COG5: variants seen among roughly 807,000 people sequenced by gnomAD.
COG5 encodes conserved oligomeric Golgi complex subunit 5.
COG5 carries 86 observed loss-of-function variants against 110.4 expected under a neutral mutation model. The observed-to-expected ratio is 0.78, with a 90% CI of 0.65 to 0.93. The LOEUF (loss-of-function observed/expected upper bound fraction) is 0.93. Among genes scored for constraint, COG5 ranks in the 40% least tolerant of loss-of-function variants. The probability of loss-of-function intolerance (pLI) is 0.00; values close to 1 mark genes in which losing one functional copy is unlikely to be tolerated. For missense variants in COG5, 1,077 were observed against 987.0 expected (o/e 1.09, Z -1.22); for synonymous variants, 360 against 334.6 (o/e 1.08, Z -0.83).
intron 7 of COG5, among the ~76,000 whole-genome samples, chr7:107,393,298 T>C (rs531824540): frequency 3.3e-5 from 5 of 152,264 alleles, no homozygotes; most frequent in African/African-American, 1.2e-4. Context: ...ACTCCCTCTT[T>C]ACAAAACCAC....
chr7:107,436,173 G>A (rs1584820723), intron 6 of COG5, among the ~76,000 whole-genome samples: 2 of 152,092 alleles, frequency 1.3e-5, no homozygotes, highest in Admixed American at 6.5e-5. Context: ...AGACAGGTTG[G>A]TTATTCACAG....
At chr7:107,230,813 A>C in intron 18 of COG5, 122 bp from the exon 19 acceptor site, 1 of 759,526 alleles carries the variant, frequency 1.3e-6, no homozygotes, top group Non-Finnish European at 2.3e-6. Context: ...ACTGTAAGGC[A>C]AGTTGTGATG....
chr7:107,523,820 A>G (rs1028987702), intron 6 of COG5, among the ~76,000 whole-genome samples: 2 of 151,924 alleles, frequency 1.3e-5, no homozygotes, highest in African/African-American at 2.4e-5. Context: ...TGTCTCAAAA[A>G]GAAAAAAAAA....
intron 7 of COG5, 131 bp downstream of exon 7, chr7:107,412,371 T>C (rs995216098): frequency 1.6e-5 from 13 of 807,196 alleles, no homozygotes; most frequent in African/African-American, 3.4e-5. Flanking sequence ...ATTCTTTGAT[T>C]TAAATTGTAG....
chr7:107,384,631 G>A (rs145183650), intron 7 of COG5, among the ~76,000 whole-genome samples: 4 of 152,156 alleles, frequency 2.6e-5, no homozygotes, highest in African/African-American at 9.7e-5. Flanking sequence ...CTAAGGAAAA[G>A]TCCTGCAACA....
At chr7:107,524,929 T>TTTTG (rs938650505) in intron 6 of COG5, among the ~76,000 whole-genome samples, 5 of 152,170 alleles carry the variant, frequency 3.3e-5, no homozygotes, top group Admixed American at 6.5e-5. Flanking sequence ...TTGTGGGGTT[T>TTTTG]TTTGTTTGTT....
intron 16 of COG5, among the ~76,000 whole-genome samples, chr7:107,254,513 AGGGC>A (rs1233799564): frequency 1.3e-5 from 2 of 152,164 alleles, no homozygotes; most frequent in Non-Finnish European, 2.9e-5. Context: ...CCACTGCAGG[AGGGC>A]CTTGTACTTA....
At chr7:107,404,502 G>A (rs1448339852) in intron 7 of COG5, among the ~76,000 whole-genome samples, 5 of 152,108 alleles carry the variant, frequency 3.3e-5, no homozygotes, top group Admixed American at 2.6e-4. Context: ...ATAAGCTGTA[G>A]CATCTGTTCT....
chr7:107,354,959 T>C (rs1372527279), intron 10 of COG5, among the ~76,000 whole-genome samples: 1 of 152,224 alleles, frequency 6.6e-6, no homozygotes, highest in African/African-American at 2.4e-5. Context: ...AAAGAAGCCC[T>C]TTAAGATTTG....
intron 20 of COG5, 136 bp downstream of exon 20, chr7:107,210,963 T>A: frequency 9.3e-7 from 1 of 1,070,582 alleles, no homozygotes; most frequent in Non-Finnish European, 1.4e-6. Context: ...CTAATATCTA[T>A]TCACTGTCAA....
chr7:107,558,886 C>A, intron 1 of COG5, among the ~76,000 whole-genome samples: 1 of 74,840 alleles, frequency 1.3e-5, no homozygotes, highest in Non-Finnish European at 2.4e-5. Context: ...AGACTCTGTC[C>A]CAAAAAAAAA....
chr7:107,343,670 G>C (rs1236483022), intron 10 of COG5, among the ~76,000 whole-genome samples: 7 of 152,154 alleles, frequency 4.6e-5, no homozygotes, highest in African/African-American at 1.7e-4. Flanking sequence ...GACAGAGGGA[G>C]ACCCTGTCTC....
chr7:107,345,508 A>G (rs1392048854), intron 10 of COG5, among the ~76,000 whole-genome samples: 1 of 150,920 alleles, frequency 6.6e-6, no homozygotes, highest in Non-Finnish European at 1.5e-5. Context: ...TAAGGTATCT[A>G]AAGTAGTCGG....
At chr7:107,260,395 T>C (rs1044262907) in intron 14 of COG5, among the ~76,000 whole-genome samples, 6 of 152,078 alleles carry the variant, frequency 3.9e-5, no homozygotes, top group Non-Finnish European at 8.8e-5. Flanking sequence ...CAAAAGTTGA[T>C]TGGAAATTGC....
intron 12 of COG5, among the ~76,000 whole-genome samples, chr7:107,297,024 A>G (rs953856632): frequency 2.6e-5 from 4 of 152,184 alleles, no homozygotes; most frequent in Non-Finnish European, 5.9e-5. Flanking sequence ...GGGCGGGCTA[A>G]ACTTGCTGAG....
chr7:107,332,814 T>TA (rs1448045856), intron 10 of COG5, among the ~76,000 whole-genome samples: 1 of 152,034 alleles, frequency 6.6e-6, no homozygotes, highest in African/African-American at 2.4e-5. Context: ...TCTGTTGTTT[T>TA]AAAAAAATAT....
At chr7:107,510,455 T>G (rs967932133) in intron 6 of COG5, among the ~76,000 whole-genome samples, 12 of 152,188 alleles carry the variant, frequency 7.9e-5, no homozygotes, top group African/African-American at 1.7e-4. Flanking sequence ...AACGGGAGAC[T>G]TTAACAACCC....
chr7:107,422,420 G>A (rs1486587044), intron 6 of COG5, among the ~76,000 whole-genome samples: 1 of 152,122 alleles, frequency 6.6e-6, no homozygotes, highest in Non-Finnish European at 1.5e-5. Flanking sequence ...CCAGCTACTT[G>A]GGAGGCTGAG....
chr7:107,414,877 G>A (rs990339700), intron 6 of COG5, among the ~76,000 whole-genome samples: 1 of 151,514 alleles, frequency 6.6e-6, no homozygotes, highest in African/African-American at 2.4e-5. Flanking sequence ...ACAAGTGCAC[G>A]TCACGACGCC....
Sources: gnomAD v4.1 joint callset for allele counts (sites outside exome capture counted in the v4.1 genomes callset) on GRCh38, gnomAD v4.1.1 for gene constraint, MANE v1.5 for transcripts, NCBI Gene and HGNC (gene_info 2026-07-23, HGNC 2026-07-21) for gene names.